NEMP2: variants seen among roughly 807,000 people sequenced by gnomAD.
NEMP2 encodes UPF0571 transmembrane protein.
In NEMP2, 53 loss-of-function variants were observed where a neutral mutation model predicts 54.2. The ratio of observed to expected loss-of-function variants is 0.98; its 90% CI spans 0.78 to 1.23. NEMP2 has a LOEUF of 1.23. Among genes scored for constraint, NEMP2 ranks in the 50% most tolerant of loss-of-function variants. The pLI is 0.00. For synonymous variants in NEMP2, 197 were observed against 190.3 expected (o/e 1.04, Z -0.29); for missense variants, 455 against 511.3 (o/e 0.89, Z 1.06).
the NEMP2 span, among the ~76,000 whole-genome samples, chr2:190,578,448 A>T: frequency 1.3e-5 from 2 of 152,196 alleles, no homozygotes; most frequent in Admixed American, 1.3e-4. This position sits in a 1 kb window ranked among gnomAD's most constrained non-coding sequence, Gnocchi z 4.4. Flanking sequence ...ACAAGATTAC[A>T]GTGCCAGCAT....
At chr2:190,494,380 C>A in the NEMP2 span, among the ~76,000 whole-genome samples, 2 of 152,046 alleles carry the variant, frequency 1.3e-5, no homozygotes, top group Non-Finnish European at 2.9e-5. This position sits in a 1 kb window ranked among gnomAD's most constrained non-coding sequence, Gnocchi z 5.7. Context: ...AAAAAAAAGT[C>A]CAGGACCAGA....
the NEMP2 span, chr2:190,488,669 C>T: frequency 5.1e-6 from 8 of 1,554,708 alleles, no homozygotes; most frequent in African/African-American, 1.4e-5. This position sits in a 1 kb window ranked among gnomAD's most constrained non-coding sequence, Gnocchi z 6.4. Flanking sequence ...GTGACACACG[C>T]GGCCATCTGG....
At chr2:190,515,113 C>T (rs1690507183) in intron 6 of NEMP2, among the ~76,000 whole-genome samples, 3 of 152,266 alleles carry the variant, frequency 2.0e-5, no homozygotes, top group East Asian at 1.9e-4. Flanking sequence ...CTCATCATTA[C>T]GATGGTGAGA....
At chr2:190,503,781 G>GT (rs751694973), downstream of NEMP2, among the ~76,000 whole-genome samples, 64 of 152,308 alleles carry the variant, frequency 4.2e-4, no homozygotes, top group Non-Finnish European at 8.2e-4. This position sits in a 1 kb window ranked among gnomAD's most constrained non-coding sequence, Gnocchi z 6.3. Context: ...AGAGAGGCTG[G>GT]TGCCTAGGTG....
the NEMP2 span, among the ~76,000 whole-genome samples, chr2:190,448,337 T>C: frequency 1.2e-4 from 18 of 152,186 alleles, no homozygotes; most frequent in African/African-American, 4.1e-4. Context: ...CTCATACACA[T>C]GCAGAAAGAT....
At chr2:190,434,522 G>A in the NEMP2 span, among the ~76,000 whole-genome samples, 1 of 152,008 alleles carries the variant, frequency 6.6e-6, no homozygotes, top group African/African-American at 2.4e-5. The surrounding 1 kb of genome is among the most constrained non-coding windows in gnomAD (Gnocchi z 4.3). Context: ...TGCAACCTCC[G>A]CCTCCTGGGT....
chr2:190,439,702 T>A, the NEMP2 span, among the ~76,000 whole-genome samples: 1 of 152,230 alleles, frequency 6.6e-6, no homozygotes, highest in Non-Finnish European at 1.5e-5. The surrounding 1 kb of genome is among the most constrained non-coding windows in gnomAD (Gnocchi z 5.8). Context: ...TGTTTAATAA[T>A]GTGATGGAAG....
the NEMP2 span, among the ~76,000 whole-genome samples, chr2:190,634,268 T>C: frequency 6.6e-6 from 1 of 152,220 alleles, no homozygotes; most frequent in Non-Finnish European, 1.5e-5. The surrounding 1 kb of genome is among the most constrained non-coding windows in gnomAD (Gnocchi z 6.8). Flanking sequence ...AATTCCATCC[T>C]TAATGCACCC....
the NEMP2 span, among the ~76,000 whole-genome samples, chr2:190,591,054 A>T: frequency 2.6e-5 from 4 of 152,136 alleles, no homozygotes; most frequent in African/African-American, 9.7e-5. The surrounding 1 kb of genome is among the most constrained non-coding windows in gnomAD (Gnocchi z 5.4). Context: ...GCTCTTATGG[A>T]CTCAGCAAGA....
the NEMP2 span, chr2:190,648,307 G>C: frequency 6.6e-6 from 1 of 152,298 alleles, no homozygotes; most frequent in Non-Finnish European, 1.5e-5. Flanking sequence ...CCAGAGCGGA[G>C]GTGGGGAGGG....
At chr2:190,648,355 C>G in the NEMP2 span, 1 of 152,252 alleles carries the variant, frequency 6.6e-6, no homozygotes, top group Non-Finnish European at 1.5e-5. Flanking sequence ...TCCCAGCCGC[C>G]GGTTCTTCCA....
At chr2:190,547,918 T>C in the NEMP2 span, among the ~76,000 whole-genome samples, 1 of 152,002 alleles carries the variant, frequency 6.6e-6, no homozygotes, top group East Asian at 1.9e-4. This position sits in a 1 kb window ranked among gnomAD's most constrained non-coding sequence, Gnocchi z 6.2. Context: ...AAGGAAAAGA[T>C]AATAGGAATG....
At chr2:190,555,515 C>A in the NEMP2 span, among the ~76,000 whole-genome samples, 1 of 151,614 alleles carries the variant, frequency 6.6e-6, no homozygotes, top group African/African-American at 2.4e-5. This position sits in a 1 kb window ranked among gnomAD's most constrained non-coding sequence, Gnocchi z 4.8. Flanking sequence ...ACAAGAACTT[C>A]ATGAAGCATA....
At chr2:190,426,828 CTG>C in the NEMP2 span, among the ~76,000 whole-genome samples, 16,659 of 152,206 alleles carry the variant, frequency 0.11, 1,262 homozygotes, top group African/African-American at 0.21. The surrounding 1 kb of genome is among the most constrained non-coding windows in gnomAD (Gnocchi z 4.7). Context: ...TTTTATGAGA[CTG>C]TGGATCTTAT....
chr2:190,623,062 A>C, the NEMP2 span, among the ~76,000 whole-genome samples: 2 of 152,178 alleles, frequency 1.3e-5, no homozygotes, highest in Non-Finnish European at 2.9e-5. Flanking sequence ...AAAATAAATC[A>C]AGAAAGCAAT....
chr2:190,584,564 C>A, the NEMP2 span, among the ~76,000 whole-genome samples: 2 of 152,050 alleles, frequency 1.3e-5, no homozygotes, highest in African/African-American at 4.8e-5. The surrounding 1 kb of genome is among the most constrained non-coding windows in gnomAD (Gnocchi z 4.2). Flanking sequence ...AAGACTTTTA[C>A]ACAATTTGTT....
At chr2:190,553,697 T>C in the NEMP2 span, among the ~76,000 whole-genome samples, 1 of 152,198 alleles carries the variant, frequency 6.6e-6, no homozygotes, top group Admixed American at 6.5e-5. Flanking sequence ...TGATTCATGA[T>C]AGGTGTGAGA....
the NEMP2 span, among the ~76,000 whole-genome samples, chr2:190,468,580 G>GT: frequency 6.6e-6 from 1 of 150,856 alleles, no homozygotes; most frequent in African/African-American, 2.4e-5. Context: ...AGCCTCCCAA[G>GT]TAGCTGGGAC....
the NEMP2 span, among the ~76,000 whole-genome samples, chr2:190,475,169 C>A: frequency 6.6e-6 from 1 of 151,866 alleles, no homozygotes; most frequent in Non-Finnish European, 1.5e-5. Context: ...CAGGGATGCC[C>A]TCTCTCACCA....
Sources: allele counts gnomAD v4.1 joint callset (sites outside exome capture counted in the v4.1 genomes callset), GRCh38; gene constraint gnomAD v4.1.1; non-coding constraint Gnocchi (gnomAD v3.1); transcripts MANE v1.5; gene names NCBI Gene and HGNC (gene_info 2026-07-23, HGNC 2026-07-21).